GREB1: variants seen among roughly 807,000 people sequenced by gnomAD.
The protein encoded by GREB1 is protein GREB1.
Under a neutral mutation model 200.7 loss-of-function variants are expected in GREB1, and 106 were observed. The ratio of observed to expected loss-of-function variants is 0.53; its 90% CI spans 0.45 to 0.62. The LOEUF (loss-of-function observed/expected upper bound fraction) is 0.62. Among genes scored for constraint, GREB1 ranks in the 20% least tolerant of loss-of-function variants. GREB1 has a pLI of 0.00. For synonymous variants in GREB1, 1,132 were observed against 1,092.4 expected, an observed-to-expected ratio of 1.04 and a Z score of -0.72; for missense variants, 2,243 against 2,556.8, an observed-to-expected ratio of 0.88 and a Z score of 2.65.
intron 22 of GREB1, among the ~76,000 whole-genome samples, chr2:11,619,926 A>G (rs984253558): frequency 2.0e-5 from 3 of 152,184 alleles, no homozygotes; most frequent in Non-Finnish European, 1.5e-5. Flanking sequence ...GCATGAACCA[A>G]GCATTGGGCT....
chr2:11,588,844 G>A lies in GREB1; in HGVS notation c.1258G>A (p.Ala420Thr), dbSNP rs894180145. The A allele has an allele frequency of 1.2e-6, 2 of 1,613,990 alleles. No homozygotes were observed. Among genetic ancestry groups the A allele is most frequent in the Admixed American group, 1.7e-5 (1 of 60,002 alleles). ...CYQNSQSVSR[A>T]YEQYGASAIQ... The stretch of plus-strand genomic sequence containing the variant: ...CCAGAATTCCCAGTCTGTCTCACGG[G>A]CATACGAGCAGTACGGCGCCTCTGC... The change falls in exon 10 of 33, where the codon GCA (alanine) becomes ACA (threonine). Residue 420 changes from alanine (A) to threonine (T), a missense_variant. Physicochemically the swap from Ala to Thr is moderately conservative, Grantham distance 58 (BLOSUM62 0). Transcript: ENST00000381486.
At position 11,633,735 on chromosome 2, in the gene GREB1, G is replaced by GCC. The variant is rs201246434; in HGVS notation, c.4992-390_4992-389dup. On this transcript the variant is annotated intron_variant, in intron 28 of 32. Transcript: ENST00000381486. The surrounding 1 kb of genome is among the most constrained non-coding windows in gnomAD (Gnocchi z 4.1). Reference sequence around the variant, plus strand: ...CCGATATTAAGAAAGGGACATTGCTGCCCCCCCAGAAACTCCCTTCCTGCT... The same window carrying GCC: ...CCGATATTAAGAAAGGGACATTGCTGCCCCCCCCCAGAAACTCCCTTCCTGCT... Among the ~76,000 whole-genome samples, 1 of 151,968 alleles carries GCC rather than the reference G, an allele frequency of 6.6e-6. No homozygotes were observed. The highest frequency in any genetic ancestry group is 1.5e-5 in the Non-Finnish European group (1 of 67,992).
chr2:11,585,346 A>G, intron 8 of GREB1, 72 bp downstream of exon 8: 1 of 928,656 alleles, frequency 1.1e-6, no homozygotes. Context: ...AGTTGTGTGT[A>G]TGTGTGCGTG....
rs1685747407 is a variant in GREB1, at chr2:11,640,568, G to A, written c.*114G>A. 3 of 1,242,868 alleles carry A rather than the reference G, an allele frequency of 2.4e-6. No homozygotes were observed. The African/African-American group carries it at 4.5e-5, about 19-fold the overall frequency. The allele number at this position is 1,242,868 out of a possible 1,614,324, so 77.0% of individuals were successfully genotyped here. A position where few individuals can be genotyped will look rare whatever the true frequency, so the allele number is the denominator to read the frequency against. On this transcript the variant is annotated 3_prime_UTR_variant, in exon 33 of 33. Coordinates refer to ENST00000381486, the MANE Select transcript of GREB1 (RefSeq NM_014668.4). The surrounding 1 kb of genome is among the most constrained non-coding windows in gnomAD (Gnocchi z 4.6). ...TTGACTGGAATGGACCCCAGGGACT[G>A]TCCAGGTGCAGCCCCTCCTAGTACA...
At chr2:11,513,958 G>A (rs1048651038) in intron 1 of GREB1, among the ~76,000 whole-genome samples, 7 of 152,194 alleles carry the variant, frequency 4.6e-5, no homozygotes, top group Non-Finnish European at 7.3e-5. Flanking sequence ...AGTCCTGGCC[G>A]CTGCCCTTAG....
chr2:11,578,233 A>C (rs983180668), intron 5 of GREB1, 64 bp from the exon 6 acceptor site: 1 of 1,559,830 alleles, frequency 6.4e-7, no homozygotes, highest in African/African-American at 1.3e-5. Context: ...CCACTCCAGG[A>C]ACTCATTTCG....
At chr2:11,499,064 A>G (rs896085473) in intron 1 of GREB1, among the ~76,000 whole-genome samples, 2 of 152,254 alleles carry the variant, frequency 1.3e-5, no homozygotes, top group Non-Finnish European at 1.5e-5. Context: ...AGCAACATGT[A>G]TCTGCAATCC....
At chr2:11,574,135 C>A (rs539305808) in intron 4 of GREB1, among the ~76,000 whole-genome samples, 6 of 152,154 alleles carry the variant, frequency 3.9e-5, no homozygotes, top group African/African-American at 1.2e-4. Context: ...TTACAGAAAC[C>A]CTAACAGGCT....
intron 1 of GREB1, among the ~76,000 whole-genome samples, chr2:11,486,104 C>A (rs1025941387): frequency 6.6e-6 from 1 of 152,074 alleles, no homozygotes; most frequent in Non-Finnish European, 1.5e-5. Context: ...TTAGGGCTTT[C>A]GAGGGGGCAA....
chr2:11,515,330 G>C (rs779739519), intron 1 of GREB1, among the ~76,000 whole-genome samples: 10 of 152,224 alleles, frequency 6.6e-5, no homozygotes, highest in Non-Finnish European at 1.3e-4. Flanking sequence ...GAGTCTAGGC[G>C]TAGTGAGAGG....
intron 7 of GREB1, among the ~76,000 whole-genome samples, chr2:11,582,716 C>T (rs1277812139): frequency 2.6e-5 from 4 of 152,258 alleles, no homozygotes; most frequent in African/African-American, 9.6e-5. Flanking sequence ...GAGGGCATGA[C>T]GCTGGCTGGG....
chr2:11,610,745 G>A lies in GREB1; in HGVS notation c.2724G>A (p.Ala908=), dbSNP rs368314954. 27 of 1,613,406 alleles carry A rather than the reference G, an allele frequency of 1.7e-5. No homozygotes were observed. Among genetic ancestry groups the A allele is most frequent in the South Asian group, 4.4e-5 (4 of 91,092 alleles). Residue 908 remains alanine (A), a synonymous_variant, in exon 18 of 33, where the codon GCG becomes GCA. Transcript: ENST00000381486. ...IRTFVLVQHY[A]AALMAVSGLP... ...CCTTTGTTCTCGTGCAGCACTACGC[G>A]GCCGCCCTGATGGCCGTAAGCGGCC... is the stretch of plus-strand genomic sequence containing the variant.
At chr2:11,557,551 G>T (rs1676550316) in intron 2 of GREB1, among the ~76,000 whole-genome samples, 1 of 152,226 alleles carries the variant, frequency 6.6e-6, no homozygotes, top group Non-Finnish European at 1.5e-5. Context: ...TGCTGTGCGT[G>T]AGTGTGTATG....
chr2:11,584,512 G>A (rs1679865809), intron 7 of GREB1, among the ~76,000 whole-genome samples: 1 of 152,138 alleles, frequency 6.6e-6, no homozygotes, highest in South Asian at 2.1e-4. Context: ...CTCTCTTCCA[G>A]CCCTTCAGAA....
intron 10 of GREB1, among the ~76,000 whole-genome samples, chr2:11,590,382 T>C (rs954369983): frequency 6.6e-6 from 1 of 151,992 alleles, no homozygotes; most frequent in Non-Finnish European, 1.5e-5. Flanking sequence ...CTCCACCCCT[T>C]CCCGGGGGCC....
Position 11,640,294 on chromosome 2 carries a change from C to T in GREB1, c.5690C>T (p.Ala1897Val). Residue 1897 changes from alanine to valine, a missense_variant, in exon 33 of 33, where the codon GCG (alanine) becomes GTG (valine). Around this residue, in one of 3 missense-constraint regions of GREB1, gnomAD observed 478 missense variants for 616.3 expected, o/e 0.78. Coordinates refer to ENST00000381486, the MANE Select transcript of GREB1 (RefSeq NM_014668.4). This position sits in a 1 kb window ranked among gnomAD's most constrained non-coding sequence, Gnocchi z 4.6. ...ACCTCTGCCGTTGTCCACGCAGGTG[C>T]GACGTTGTGTGTCATCTGTCAGGAC... ...FLKKFHFLKGATLCVICQDRS... is the reference protein window; with the variant it reads ...FLKKFHFLKGVTLCVICQDRS... The T allele has an allele frequency of 6.2e-7, 1 of 1,609,712 alleles. No individual in the cohort carries two copies.
intron 4 of GREB1, among the ~76,000 whole-genome samples, chr2:11,574,410 G>A (rs1678628790): frequency 1.3e-5 from 2 of 152,210 alleles, no homozygotes; most frequent in Admixed American, 1.3e-4. Flanking sequence ...CTTGGGAATA[G>A]GCGTCGGAGC....
intron 1 of GREB1, among the ~76,000 whole-genome samples, 154 bp downstream of exon 1, chr2:11,534,408 G>T (rs1392570081): frequency 1.3e-5 from 2 of 152,298 alleles, no homozygotes; most frequent in African/African-American, 4.8e-5. Context: ...TATTCAAATT[G>T]TTCTGTAATA....
intron 23 of GREB1, among the ~76,000 whole-genome samples, chr2:11,621,340 T>G (rs559089474): frequency 7.6e-4 from 116 of 152,292 alleles, no homozygotes; most frequent in African/African-American, 1.3e-3. Context: ...ATCACATGCT[T>G]GGGAGCCCAG....
Sources: allele counts gnomAD v4.1 joint callset (sites outside exome capture counted in the v4.1 genomes callset), GRCh38; gene constraint gnomAD v4.1.1; regional missense constraint gnomAD v4.1.1; non-coding constraint Gnocchi (gnomAD v3.1); transcripts MANE v1.5; gene names NCBI Gene and HGNC (gene_info 2026-07-23, HGNC 2026-07-21).